Variants in PCDHGA3 observed in about 807,000 individuals in gnomAD.
PCDHGA3 encodes the protein protocadherin gamma-A3.
PCDHGA3 carries 40 observed loss-of-function variants against 58.5 expected under a neutral mutation model. That is an observed-to-expected ratio of 0.68 (90% confidence interval 0.53 to 0.89). The LOEUF (loss-of-function observed/expected upper bound fraction) is 0.89, where lower values mean the gene tolerates loss of function less well. Among genes scored for constraint, PCDHGA3 ranks in the 40% least tolerant of loss-of-function variants. The pLI is 0.00. For synonymous variants in PCDHGA3, 530 were observed against 525.7 expected, an observed-to-expected ratio of 1.01 and a Z score of -0.11; for missense variants, 1,223 against 1,195.9, an observed-to-expected ratio of 1.02 and a Z score of -0.33.
Position 141,476,990 on chromosome 5 carries a change from C to T in PCDHGA3, c.2425-17817C>T, listed in dbSNP as rs2099402882. ...CGGCAGCCACAACCGCGCCGGCGTGCGGCAACTATTCGCCTTAGACCTTGT... is the reference window on the plus strand; with the variant it reads ...CGGCAGCCACAACCGCGCCGGCGTGTGGCAACTATTCGCCTTAGACCTTGT... On this transcript the variant is annotated intron_variant, in intron 1 of 3. Coordinates refer to ENST00000253812, the MANE Select transcript of PCDHGA3 (RefSeq NM_018916.4). The surrounding 1 kb of genome is among the most constrained non-coding windows in gnomAD (Gnocchi z 7.6). 6.2e-7 allele frequency: 1 copy of T among 1,614,220 alleles called. No individual in the cohort carries two copies. The highest frequency in any genetic ancestry group is 8.5e-7 in the Non-Finnish European group (1 of 1,180,046).
At chr5:141,376,602 A>T in intron 1 of PCDHGA3, 1 of 1,521,112 alleles carries the variant, frequency 6.6e-7, no homozygotes, top group Non-Finnish European at 8.9e-7. Flanking sequence ...CTGTTATAGA[A>T]GCGAACCTCT....
chr5:141,387,301 AT>A (rs888289074), intron 1 of PCDHGA3, among the ~76,000 whole-genome samples: 1 of 152,242 alleles, frequency 6.6e-6, no homozygotes, highest in African/African-American at 2.4e-5. Flanking sequence ...TGTATCCAGT[AT>A]ATTTCTAATG....
At chr5:141,399,146 G>C (rs758823968) in intron 1 of PCDHGA3, 1 of 1,613,792 alleles carries the variant, frequency 6.2e-7, no homozygotes, top group South Asian at 1.1e-5. Context: ...AATGACAATA[G>C]CCCAGAAGTT....
chr5:141,511,419 G>A lies in PCDHGA3; in HGVS notation c.*246G>A, dbSNP rs1437533706. On this transcript the variant is annotated 3_prime_UTR_variant, in exon 4 of 4. Coordinates refer to ENST00000253812, the MANE Select transcript of PCDHGA3 (RefSeq NM_018916.4). Reference sequence around the variant, plus strand: ...ATCCAATCAACTGCTGTACCCATGGGGGTAGTGGGGTTACTGTAGACACCA... The same window carrying A: ...ATCCAATCAACTGCTGTACCCATGGAGGTAGTGGGGTTACTGTAGACACCA... 1.2e-6 allele frequency: 1 copy of A among 830,454 alleles called. No individual in the cohort carries two copies. The highest frequency in any genetic ancestry group is 1.7e-5 in the African/African-American group (1 of 58,076). 51.4% of individuals were successfully genotyped at this position (830,454 alleles called of 1,614,324 possible).
At position 141,490,221 on chromosome 5, in the gene PCDHGA3, G is replaced by A; in HGVS notation, c.2425-4586G>A. 6.2e-7 allele frequency: 1 copy of A among 1,614,236 alleles called. No individual in the cohort carries two copies. The highest frequency in any genetic ancestry group is 1.1e-5 in the South Asian group (1 of 91,084). ...ATGCAAGAGCCCGTGACCAGGGACAGCCTGCCATGGAGGGCCACTGTGTGA... is the reference window on the plus strand; with the variant it reads ...ATGCAAGAGCCCGTGACCAGGGACAACCTGCCATGGAGGGCCACTGTGTGA... On this transcript the variant is annotated intron_variant, in intron 1 of 3. Transcript: ENST00000253812. The surrounding 1 kb of genome is among the most constrained non-coding windows in gnomAD (Gnocchi z 5.4).
chr5:141,509,809 A>G (rs13163163), intron 3 of PCDHGA3, among the ~76,000 whole-genome samples: 35,240 of 151,962 alleles, frequency 0.23, 4,247 homozygotes, highest in Admixed American at 0.33. Context: ...CATAGAGCCG[A>G]GCTCTTCTCC....
intron 1 of PCDHGA3, among the ~76,000 whole-genome samples, chr5:141,437,514 C>G (rs2097891371): frequency 6.6e-6 from 1 of 152,114 alleles, no homozygotes; most frequent in South Asian, 2.1e-4. Flanking sequence ...AATTATAAGG[C>G]TGATGACAAA....
intron 1 of PCDHGA3, among the ~76,000 whole-genome samples, chr5:141,468,979 C>T (rs1394344696): frequency 6.7e-6 from 1 of 149,482 alleles, no homozygotes; most frequent in African/African-American, 2.5e-5. Flanking sequence ...CTTTTGACTT[C>T]CAAAATTATT....
chr5:141,389,397 A>G (rs1196356712), intron 1 of PCDHGA3: 2 of 1,613,688 alleles, frequency 1.2e-6, no homozygotes, highest in Admixed American at 3.3e-5. Context: ...CTACGTGTCC[A>G]TAAGCGCGGA....
At chr5:141,438,585 TAC>T (rs1561889967) in intron 1 of PCDHGA3, among the ~76,000 whole-genome samples, 141 of 61,160 alleles carry the variant, frequency 2.3e-3, no homozygotes, top group South Asian at 4.3e-3. Flanking sequence ...CATACATACA[TAC>T]ATACATATAT....
intron 1 of PCDHGA3, among the ~76,000 whole-genome samples, chr5:141,481,031 C>G (rs926205148): frequency 1.3e-5 from 2 of 152,108 alleles, no homozygotes; most frequent in Non-Finnish European, 2.9e-5. Flanking sequence ...GCACTCCAGC[C>G]TGGGCGACAG....
intron 1 of PCDHGA3, chr5:141,371,291 G>A (rs755232454): frequency 2.5e-6 from 4 of 1,613,976 alleles, no homozygotes; most frequent in Non-Finnish European, 3.4e-6. Context: ...GTAAAACGGG[G>A]GAACTCACCA....
At chr5:141,366,301 C>G (rs769756883) in intron 1 of PCDHGA3, 1 of 1,613,784 alleles carries the variant, frequency 6.2e-7, no homozygotes, top group Non-Finnish European at 8.5e-7. Flanking sequence ...TGTCAGCCAC[C>G]TTCACGGTCA....
intron 1 of PCDHGA3, chr5:141,374,947 C>T (rs768274787): frequency 6.2e-7 from 1 of 1,614,018 alleles, no homozygotes; most frequent in East Asian, 2.2e-5. Context: ...CAGAAAAGAT[C>T]TCACAAATTT....
chr5:141,427,960 G>A, intron 1 of PCDHGA3: 2 of 1,589,168 alleles, frequency 1.3e-6, no homozygotes, highest in East Asian at 2.2e-5. Context: ...AATGTGCCGC[G>A]GGTGCTGTAC....
chr5:141,423,241 G>A (rs1485226833), intron 1 of PCDHGA3: 19 of 1,613,954 alleles, frequency 1.2e-5, no homozygotes, highest in Non-Finnish European at 1.4e-5. Flanking sequence ...CATCCCCGAA[G>A]TCCTGGCGGA....
chr5:141,348,887 T>C (rs1352971089), intron 1 of PCDHGA3, among the ~76,000 whole-genome samples: 1 of 152,202 alleles, frequency 6.6e-6, no homozygotes, highest in East Asian at 1.9e-4. Context: ...GGATCTCATT[T>C]GGTAATGCAT....
chr5:141,405,265 C>T lies in PCDHGA3; in HGVS notation c.2424+58808C>T, dbSNP rs769240639. The T allele has an allele frequency of 4.3e-6, 7 of 1,614,106 alleles. No homozygotes were observed. In the Admixed American group the frequency reaches 1.2e-4, roughly 27 times the overall value. Reference sequence around the variant, plus strand: ...CAAGGAAGAGTCACCTGATCTTCCCCCAGCCCAACTATGCAGACACACTCA... The same window carrying T: ...CAAGGAAGAGTCACCTGATCTTCCCTCAGCCCAACTATGCAGACACACTCA... On this transcript the variant is annotated intron_variant, in intron 1 of 3. Coordinates refer to ENST00000253812, the MANE Select transcript of PCDHGA3 (RefSeq NM_018916.4).
intron 1 of PCDHGA3, chr5:141,375,764 G>C (rs746447899): frequency 1.9e-6 from 3 of 1,614,234 alleles, no homozygotes; most frequent in Non-Finnish European, 1.7e-6. Flanking sequence ...CAATGCGCCC[G>C]AGATCCTGTA....
Sources: allele counts gnomAD v4.1 joint callset (sites outside exome capture counted in the v4.1 genomes callset), GRCh38; gene constraint gnomAD v4.1.1; non-coding constraint Gnocchi (gnomAD v3.1); transcripts MANE v1.5; gene names NCBI Gene and HGNC (gene_info 2026-07-23, HGNC 2026-07-21).